Variants in SLC4A4 observed in about 807,000 individuals in gnomAD.
SLC4A4 encodes the protein solute carrier family 4 member 4.
Under a neutral mutation model 111.5 loss-of-function variants are expected in SLC4A4, and 27 were observed. The ratio of observed to expected loss-of-function variants is 0.24; its 90% CI spans 0.18 to 0.33. The LOEUF is 0.33. SLC4A4 is among the 10% of genes least tolerant of loss of function. SLC4A4 has a pLI of 1.00. For missense variants in SLC4A4, 909 were observed against 1,315.5 expected, an observed-to-expected ratio of 0.69 and a Z score of 4.78; for synonymous variants, 443 against 463.4, an observed-to-expected ratio of 0.96 and a Z score of 0.57.
chr4:71,490,632 G>A (rs1729814729), intron 15 of SLC4A4, among the ~76,000 whole-genome samples: 1 of 151,792 alleles, frequency 6.6e-6, no homozygotes, highest in Non-Finnish European at 1.5e-5. Flanking sequence ...TCTTAAGAAA[G>A]TGGCTTCCTT....
At chr4:71,413,654 G>T (rs1371640168) in intron 7 of SLC4A4, among the ~76,000 whole-genome samples, 1 of 152,164 alleles carries the variant, frequency 6.6e-6, no homozygotes, top group Non-Finnish European at 1.5e-5. Flanking sequence ...CCCATGGTAT[G>T]GTGGGAGCAG....
At chr4:71,416,448 C>G (rs765175387) in intron 7 of SLC4A4, among the ~76,000 whole-genome samples, 1 of 152,170 alleles carries the variant, frequency 6.6e-6, no homozygotes, top group Non-Finnish European at 1.5e-5. Flanking sequence ...CTCTTGCTCT[C>G]TCACAAAACA....
chr4:71,516,366 G>A (rs1436402401), intron 16 of SLC4A4, among the ~76,000 whole-genome samples: 1 of 151,980 alleles, frequency 6.6e-6, no homozygotes, highest in Non-Finnish European at 1.5e-5. Flanking sequence ...CAAAGTGCTG[G>A]GATTACAGGC....
intron 7 of SLC4A4, among the ~76,000 whole-genome samples, chr4:71,436,536 A>G (rs1223850022): frequency 6.6e-6 from 1 of 152,182 alleles, no homozygotes; most frequent in Non-Finnish European, 1.5e-5. Flanking sequence ...CTGCACATGT[A>G]CCCCAGAACT....
intron 6 of SLC4A4, among the ~76,000 whole-genome samples, chr4:71,366,204 A>G (rs1471384188): frequency 2.0e-5 from 3 of 152,198 alleles, no homozygotes; most frequent in African/African-American, 4.8e-5. Context: ...TTCAATGACT[A>G]TTTGAACATA....
At chr4:71,239,732 A>G (rs1720057547) in intron 2 of SLC4A4, among the ~76,000 whole-genome samples, 1 of 152,180 alleles carries the variant, frequency 6.6e-6, no homozygotes, top group South Asian at 2.1e-4. Flanking sequence ...TTAAAGAGAT[A>G]CTCTTTCAAA....
intron 1 of SLC4A4, among the ~76,000 whole-genome samples, chr4:71,194,398 G>GA (rs1254184957): frequency 6.6e-6 from 1 of 152,162 alleles, no homozygotes; most frequent in African/African-American, 2.4e-5. Context: ...TTTGTTGGCT[G>GA]AATGAATGAA....
intron 7 of SLC4A4, among the ~76,000 whole-genome samples, chr4:71,416,949 CTG>C (rs146193227): frequency 8.0e-4 from 122 of 152,264 alleles, no homozygotes; most frequent in Non-Finnish European, 1.5e-3. Context: ...TGGTAGGGAC[CTG>C]TGGTCATAAG....
At chr4:71,324,938 T>C (rs1727395292) in intron 3 of SLC4A4, among the ~76,000 whole-genome samples, 3 of 152,092 alleles carry the variant, frequency 2.0e-5, no homozygotes, top group African/African-American at 7.2e-5. Context: ...TCTCTATAGC[T>C]GAATAATAAT....
At chr4:71,524,938 A>G (rs892127578) in intron 16 of SLC4A4, among the ~76,000 whole-genome samples, 1 of 152,110 alleles carries the variant, frequency 6.6e-6, no homozygotes, top group Non-Finnish European at 1.5e-5. Context: ...ACTGCTCTGT[A>G]GACTCATGGC....
chr4:71,135,849 A>G (rs1743829408), intron 2 of SLC4A4, among the ~76,000 whole-genome samples: 1 of 152,028 alleles, frequency 6.6e-6, no homozygotes, highest in South Asian at 2.1e-4. Flanking sequence ...CTTCTGTCCC[A>G]TCTTCATTGA....
rs199584727 is a variant in SLC4A4 at position 71,526,013 on chromosome 4, A to G, written c.2167-6049A>G. 3.9e-5 allele frequency among the ~76,000 whole-genome samples: 6 copies of G among 152,188 alleles called. No homozygotes were observed. The East Asian group carries it at 9.7e-4, about 24-fold the overall frequency. On this transcript the variant is annotated intron_variant, in intron 16 of 25. Transcript: ENST00000264485. ...GTCTTATTTACAGACCCCATTGTGT[A>G]TCTAGTAGACTATGTACTCATTGCT...
chr4:71,385,001 C>T (rs977587820), intron 6 of SLC4A4, among the ~76,000 whole-genome samples: 1 of 150,942 alleles, frequency 6.6e-6, no homozygotes, highest in Non-Finnish European at 1.5e-5. Flanking sequence ...ACGTTCTGCA[C>T]ATGTACCCCA....
intron 1 of SLC4A4, among the ~76,000 whole-genome samples, chr4:71,215,839 A>G (rs1186109289): frequency 6.6e-6 from 1 of 152,124 alleles, no homozygotes; most frequent in Non-Finnish European, 1.5e-5. Flanking sequence ...TGCATTGTAC[A>G]GAGTCAGTTG....
chr4:71,310,175 G>A (rs1726024826), intron 3 of SLC4A4, among the ~76,000 whole-genome samples: 1 of 152,006 alleles, frequency 6.6e-6, no homozygotes, highest in Admixed American at 6.6e-5. Flanking sequence ...CAAGAAATAT[G>A]GGACTCTGTG....
chr4:71,397,092 A>G (rs1164230745), intron 6 of SLC4A4, among the ~76,000 whole-genome samples: 6 of 152,122 alleles, frequency 3.9e-5, no homozygotes, highest in Admixed American at 3.9e-4. Context: ...TTTCAGGTTG[A>G]TCTGAGTGAG....
intron 2 of SLC4A4, among the ~76,000 whole-genome samples, chr4:71,163,032 G>A (rs924894213): frequency 6.6e-6 from 1 of 152,196 alleles, no homozygotes; most frequent in Non-Finnish European, 1.5e-5. Context: ...CATACAGATA[G>A]AAAGGAAAGA....
intron 3 of SLC4A4, among the ~76,000 whole-genome samples, chr4:71,298,381 A>T (rs1434520902): frequency 6.6e-6 from 1 of 152,216 alleles, no homozygotes; most frequent in African/African-American, 2.4e-5. Flanking sequence ...AACAGAGATA[A>T]ATAAAGGCTT....
intron 5 of SLC4A4, 62 bp from the exon 6 acceptor site, chr4:71,356,946 T>TA (rs1730338453): frequency 6.7e-7 from 1 of 1,497,702 alleles, no homozygotes; most frequent in Non-Finnish European, 9.3e-7. Flanking sequence ...AAAGTTAGAG[T>TA]AAAAAAATAA....
Sources: gnomAD v4.1 joint callset for allele counts (sites outside exome capture counted in the v4.1 genomes callset) on GRCh38, gnomAD v4.1.1 for gene constraint, MANE v1.5 for transcripts, NCBI Gene and HGNC (gene_info 2026-07-23, HGNC 2026-07-21) for gene names.